Variants in COL13A1 observed in about 807,000 individuals in gnomAD.
COL13A1 encodes the protein collagen type XIII alpha 1 chain, also known as collagen alpha-1(XIII) chain.
Under a neutral mutation model 130.9 loss-of-function variants are expected in COL13A1, and 89 were observed. The observed-to-expected ratio is 0.68, with a 90% CI of 0.57 to 0.81. COL13A1 has a LOEUF of 0.81. Ranked by LOEUF, COL13A1 falls within the 30% of genes least tolerant of loss-of-function variation. COL13A1 has a pLI of 0.00. For synonymous variants in COL13A1, 402 were observed against 341.6 expected (o/e 1.18, Z -1.95); for missense variants, 879 against 934.6 (o/e 0.94, Z 0.78).
chr10:69,905,983 G>A (rs2062712147), intron 17 of COL13A1, among the ~76,000 whole-genome samples, 161 bp downstream of exon 17: 1 of 152,196 alleles, frequency 6.6e-6, no homozygotes, highest in Non-Finnish European at 1.5e-5. Flanking sequence ...CTGATAAGTG[G>A]GAGCCAAATT....
At chr10:69,830,753 A>G (rs1848632354) in intron 2 of COL13A1, among the ~76,000 whole-genome samples, 1 of 152,148 alleles carries the variant, frequency 6.6e-6, no homozygotes, top group African/African-American at 2.4e-5. Flanking sequence ...TGTAATTCCC[A>G]TATACAATTG....
intron 21 of COL13A1, among the ~76,000 whole-genome samples, chr10:69,920,122 C>T (rs188365072): frequency 6.6e-6 from 1 of 152,330 alleles, no homozygotes; most frequent in East Asian, 1.9e-4. Context: ...CTGCCTGGCC[C>T]TCCACAACCC....
chr10:69,907,845 C>A (rs1312211359), intron 17 of COL13A1, among the ~76,000 whole-genome samples: 1 of 152,246 alleles, frequency 6.6e-6, no homozygotes, highest in East Asian at 1.9e-4. Flanking sequence ...ATCCCACTCC[C>A]GCGACAGCAA....
At chr10:69,916,093 C>G (rs1484957347) in intron 17 of COL13A1, among the ~76,000 whole-genome samples, 4 of 152,198 alleles carry the variant, frequency 2.6e-5, no homozygotes, top group African/African-American at 9.7e-5. Flanking sequence ...TGGAAGTCCT[C>G]TAGCCTTGGT....
intron 4 of COL13A1, 123 bp downstream of exon 4, chr10:69,872,333 A>C (rs1288657449): frequency 9.2e-7 from 1 of 1,085,298 alleles, no homozygotes; most frequent in South Asian, 1.4e-5. Flanking sequence ...GCCACTCTCC[A>C]GAGTCCCTGA....
At chr10:69,951,724 G>A (rs1483440966) in intron 38 of COL13A1, among the ~76,000 whole-genome samples, 1 of 152,120 alleles carries the variant, frequency 6.6e-6, no homozygotes, top group Non-Finnish European at 1.5e-5. Flanking sequence ...AGAAACTAAG[G>A]CTCAAAGAAG....
At chr10:69,888,767 G>A (rs1013189027) in intron 9 of COL13A1, among the ~76,000 whole-genome samples, 6 of 152,174 alleles carry the variant, frequency 3.9e-5, no homozygotes, top group Admixed American at 6.5e-5. Context: ...GACCCCACAC[G>A]TGTGCTCAAG....
intron 12 of COL13A1, 102 bp from the exon 13 acceptor site, chr10:69,895,448 C>T (rs757751583): frequency 2.5e-5 from 31 of 1,240,386 alleles, no homozygotes; most frequent in East Asian, 4.6e-5. Flanking sequence ...GGCTGGTGAG[C>T]GGTGACATGT....
chr10:69,834,517 C>T (rs1209817761), intron 2 of COL13A1, among the ~76,000 whole-genome samples: 3 of 152,214 alleles, frequency 2.0e-5, no homozygotes, highest in African/African-American at 4.8e-5. Flanking sequence ...AACAGATGAC[C>T]TTGGGCCTTG....
intron 38 of COL13A1, among the ~76,000 whole-genome samples, chr10:69,948,299 G>A (rs1473956013): frequency 2.0e-5 from 3 of 152,078 alleles, no homozygotes; most frequent in African/African-American, 7.2e-5. Flanking sequence ...TGCACAGAAA[G>A]TGCCAGAATG....
chr10:69,922,102 G>A (rs2064763625), intron 22 of COL13A1, among the ~76,000 whole-genome samples, 167 bp downstream of exon 22: 1 of 152,188 alleles, frequency 6.6e-6, no homozygotes, highest in African/African-American at 2.4e-5. Flanking sequence ...AGGTGCCATA[G>A]GCAGGCCCTG....
intron 37 of COL13A1, among the ~76,000 whole-genome samples, chr10:69,946,235 C>T (rs1333260964): frequency 1.3e-5 from 2 of 152,214 alleles, no homozygotes; most frequent in African/African-American, 4.8e-5. Flanking sequence ...GTGAGAGGAC[C>T]AGGGCCTCTG....
chr10:69,936,803 A>G (rs1565121582), intron 33 of COL13A1, 21 bp downstream of exon 33: 3 of 1,613,828 alleles, frequency 1.9e-6, no homozygotes, highest in Non-Finnish European at 2.5e-6. Context: ...GTCACATGAC[A>G]GGCGCTGTGT....
intron 17 of COL13A1, among the ~76,000 whole-genome samples, chr10:69,910,615 C>T (rs1158235495): frequency 6.6e-6 from 1 of 152,220 alleles, no homozygotes; most frequent in Admixed American, 6.5e-5. Flanking sequence ...CCTGTGCTGC[C>T]CCCATGCCCC....
Position 69,947,287 on chromosome 10 carries a change from C to G in COL13A1, c.2023-20C>G. On this transcript the variant is annotated intron_variant, in intron 37 of 40. Coordinates refer to ENST00000645393, the MANE Select transcript of COL13A1 (RefSeq NM_001368882.1). ...TGTGTGTCCTCATTAACATGCCTTTCTTCCTCTGATCTCTTGCAGGGTTTA... is the reference window on the plus strand; with the variant it reads ...TGTGTGTCCTCATTAACATGCCTTTGTTCCTCTGATCTCTTGCAGGGTTTA... 1.2e-6 allele frequency: 2 copies of G among 1,613,316 alleles called. No individual in the cohort carries two copies. Among genetic ancestry groups the G allele is most frequent in the Non-Finnish European group, 1.7e-6 (2 of 1,179,492 alleles).
chr10:69,943,250 T>C (rs2067928890), intron 35 of COL13A1, among the ~76,000 whole-genome samples: 1 of 152,208 alleles, frequency 6.6e-6, no homozygotes, highest in Admixed American at 6.5e-5. Context: ...CCTCTTTGTC[T>C]CACGTGAAGT....
At position 69,880,547 on chromosome 10, in the gene COL13A1, C is replaced by G. The variant is rs539145825; in HGVS notation, c.507C>G (p.Gly169=). 6.2e-7 allele frequency: 1 copy of G among 1,613,210 alleles called. No homozygotes were observed. The highest frequency in any genetic ancestry group is 1.3e-5 in the African/African-American group (1 of 75,018). ...GGCTGTCCATCATTGGTCCCCGCGGCCCCCCTGTAAGTTGTTTTTGCTCTT... is the reference window on the plus strand; with the variant it reads ...GGCTGTCCATCATTGGTCCCCGCGGGCCCCCTGTAAGTTGTTTTTGCTCTT... ...DAGLSIIGPR[G]PPGQPGTRGF... The change falls in exon 7 of 41, where the codon GGC becomes GGG. Residue 169 remains glycine (G), a synonymous_variant. Transcript: ENST00000645393.
chr10:69,940,922 G>A (rs878925975), intron 34 of COL13A1, 66 bp from the exon 35 acceptor site: 17 of 1,609,652 alleles, frequency 1.1e-5, no homozygotes, highest in Non-Finnish European at 1.4e-5. Flanking sequence ...CCTCCCCATT[G>A]TTCCCTTTTT....
chr10:69,878,134 C>G, intron 6 of COL13A1, 69 bp downstream of exon 6: 1 of 698,322 alleles, frequency 1.4e-6, no homozygotes, highest in South Asian at 1.5e-5. Context: ...TGATGGGAGG[C>G]TCTCAGCCCT....
Sources: allele counts gnomAD v4.1 joint callset (sites outside exome capture counted in the v4.1 genomes callset), GRCh38; gene constraint gnomAD v4.1.1; transcripts MANE v1.5; gene names NCBI Gene and HGNC (gene_info 2026-07-23, HGNC 2026-07-21).